KIFAP3: variants seen among roughly 807,000 people sequenced by gnomAD.
KIFAP3 encodes the protein kinesin-associated protein 3.
Under a neutral mutation model 106.5 loss-of-function variants are expected in KIFAP3, and 68 were observed. That is an observed-to-expected ratio of 0.64 (90% confidence interval 0.53 to 0.78). The LOEUF is 0.78. Among genes scored for constraint, KIFAP3 ranks in the 30% least tolerant of loss-of-function variants. The pLI is 0.00. For missense variants in KIFAP3, 780 were observed against 941.8 expected (o/e 0.83, Z 2.25); for synonymous variants, 320 against 311.5 (o/e 1.03, Z -0.29).
chr1:170,039,905 T>C (rs998734148), intron 3 of KIFAP3, among the ~76,000 whole-genome samples: 12 of 152,160 alleles, frequency 7.9e-5, no homozygotes, highest in Non-Finnish European at 1.6e-4. Context: ...TTCGTTTATA[T>C]TGAATTATCT....
intron 19 of KIFAP3, among the ~76,000 whole-genome samples, chr1:169,935,205 T>G (rs1663722907): frequency 6.6e-6 from 1 of 152,096 alleles, no homozygotes; most frequent in Admixed American, 6.6e-5. Flanking sequence ...GGCACCTATA[T>G]CAATATAGCT....
At chr1:170,010,153 A>G (rs145293142) in intron 10 of KIFAP3, among the ~76,000 whole-genome samples, 1 of 152,138 alleles carries the variant, frequency 6.6e-6, no homozygotes, top group East Asian at 1.9e-4. Context: ...TCTCAGGAAA[A>G]TAACATTAAA....
intron 2 of KIFAP3, among the ~76,000 whole-genome samples, chr1:170,047,348 C>T (rs1384749318): frequency 2.6e-5 from 4 of 151,660 alleles, no homozygotes; most frequent in African/African-American, 2.4e-5. Context: ...TGGCCGGGCA[C>T]GGTGGTTCAC....
chr1:169,990,369 C>A (rs1056304667), intron 11 of KIFAP3, among the ~76,000 whole-genome samples: 21 of 149,660 alleles, frequency 1.4e-4, no homozygotes, highest in Admixed American at 1.0e-3. Flanking sequence ...AAAGTAAATG[C>A]AAATAAAGCA....
intron 7 of KIFAP3, 156 bp from the exon 8 acceptor site, chr1:170,032,140 G>T: frequency 1.9e-6 from 1 of 528,632 alleles, no homozygotes. Flanking sequence ...CATAATAACT[G>T]TGCTGTAACA....
At chr1:170,016,165 T>C (rs1668505630) in intron 10 of KIFAP3, among the ~76,000 whole-genome samples, 1 of 152,190 alleles carries the variant, frequency 6.6e-6, no homozygotes, top group South Asian at 2.1e-4. Flanking sequence ...ATCCTGAAGA[T>C]AAAATATTTT....
upstream of KIFAP3, among the ~76,000 whole-genome samples, chr1:170,077,394 C>T (rs1243880213): frequency 6.6e-6 from 1 of 152,108 alleles, no homozygotes; most frequent in African/African-American, 2.4e-5. Flanking sequence ...TAACAAAATA[C>T]TTTTGCAGGA....
chr1:169,953,017 G>GA (rs1664810083), intron 19 of KIFAP3, among the ~76,000 whole-genome samples: 1 of 151,922 alleles, frequency 6.6e-6, no homozygotes. Context: ...ATAATTTAAT[G>GA]AAAAAATTAC....
At chr1:170,060,780 C>A (rs1671106708) in intron 1 of KIFAP3, among the ~76,000 whole-genome samples, 1 of 152,152 alleles carries the variant, frequency 6.6e-6, no homozygotes, top group Non-Finnish European at 1.5e-5. Context: ...GCTACAGTAA[C>A]CAAAACAGCA....
intron 2 of KIFAP3, among the ~76,000 whole-genome samples, chr1:170,048,183 A>C (rs529230893): frequency 9.2e-5 from 14 of 152,284 alleles, no homozygotes; most frequent in African/African-American, 3.4e-4. Flanking sequence ...GGGGTTCTAC[A>C]AGCTATGTAA....
intron 7 of KIFAP3, chr1:170,032,337 T>C (rs913333736): frequency 1.3e-5 from 2 of 158,876 alleles, no homozygotes; most frequent in African/African-American, 4.8e-5. Context: ...ATCAAGTGGG[T>C]CCACGAACCA....
chr1:169,955,474 A>G (rs1396590287), intron 18 of KIFAP3, among the ~76,000 whole-genome samples: 3 of 152,186 alleles, frequency 2.0e-5, no homozygotes, highest in Non-Finnish European at 2.9e-5. Context: ...CTTTGAGTGG[A>G]GGTGGCAGAA....
intron 10 of KIFAP3, among the ~76,000 whole-genome samples, chr1:169,999,816 A>G (rs1336299494): frequency 6.6e-6 from 1 of 152,198 alleles, no homozygotes; most frequent in Non-Finnish European, 1.5e-5. Context: ...CAAACTGGTC[A>G]TTAACTCCAG....
intron 1 of KIFAP3, among the ~76,000 whole-genome samples, chr1:170,080,148 T>C (rs1415968162): frequency 1.3e-5 from 2 of 151,942 alleles, no homozygotes; most frequent in Non-Finnish European, 2.9e-5. Flanking sequence ...AAAAATAAAA[T>C]TTATAAACAC....
At chr1:169,966,449 A>C (rs1571574115) in intron 17 of KIFAP3, among the ~76,000 whole-genome samples, 2 of 124,674 alleles carry the variant, frequency 1.6e-5, no homozygotes, top group East Asian at 4.7e-4. Flanking sequence ...GTTATAGATC[A>C]TAGACGGAAA....
At chr1:169,995,386 C>G (rs978218666) in intron 10 of KIFAP3, among the ~76,000 whole-genome samples, 1 of 152,000 alleles carries the variant, frequency 6.6e-6, no homozygotes, top group African/African-American at 2.4e-5. Flanking sequence ...AAAGCAAACT[C>G]ATATTCTGAA....
chr1:170,064,352 C>T (rs923655830), intron 1 of KIFAP3, among the ~76,000 whole-genome samples: 2 of 152,058 alleles, frequency 1.3e-5, no homozygotes, highest in Non-Finnish European at 2.9e-5. Context: ...TCCTCATTTA[C>T]TGATGTTACT....
chr1:170,003,024 G>C (rs1283427724), intron 10 of KIFAP3, among the ~76,000 whole-genome samples: 1 of 151,970 alleles, frequency 6.6e-6, no homozygotes, highest in Non-Finnish European at 1.5e-5. Context: ...TTTGAACAGT[G>C]GTTCTCAAAC....
chr1:170,047,719 C>T lies in KIFAP3; in HGVS notation c.165-853G>A, dbSNP rs568704705. The stretch of plus-strand genomic sequence containing the variant: ...TACATTTTATACTTAAGTTAGTGCA[C>T]TAAAAAACAATAATTAGCCAACACC... On this transcript the variant is annotated intron_variant, in intron 2 of 19. Transcript: ENST00000361580. 3.3e-5 allele frequency among the ~76,000 whole-genome samples: 5 copies of T among 150,894 alleles called. No homozygotes were observed. In the South Asian group the frequency reaches 1.0e-3, roughly 32 times the overall value.
Sources: gnomAD v4.1 joint callset for allele counts (sites outside exome capture counted in the v4.1 genomes callset) on GRCh38, gnomAD v4.1.1 for gene constraint, MANE v1.5 for transcripts, NCBI Gene and HGNC (gene_info 2026-07-23, HGNC 2026-07-21) for gene names.